The following MRPS31 variants were observed in gnomAD, a reference collection of about 807,000 sequenced individuals.
MRPS31 encodes the protein small ribosomal subunit protein mS31.
In MRPS31, 32 loss-of-function variants were observed where a neutral mutation model predicts 43.1. The ratio of observed to expected loss-of-function variants is 0.74; its 90% confidence interval spans 0.56 to 1.00. The LOEUF is 1.00. MRPS31 is among the 50% of genes least tolerant of loss of function. The probability of loss-of-function intolerance (pLI) is 0.00; values close to 1 mark genes in which losing one functional copy is unlikely to be tolerated. For missense variants in MRPS31, 437 were observed against 466.7 expected (o/e 0.94, Z 0.59); for synonymous variants, 165 against 161.6 (o/e 1.02, Z -0.16).
chr13:40,746,462 T>C (rs1880242633), intron 6 of MRPS31, among the ~76,000 whole-genome samples: 2 of 152,294 alleles, frequency 1.3e-5, no homozygotes. Flanking sequence ...TTTCCAACTC[T>C]GAAATATCAA....
intron 6 of MRPS31, among the ~76,000 whole-genome samples, chr13:40,742,625 G>A (rs142913864): frequency 1.3e-5 from 2 of 151,926 alleles, no homozygotes; most frequent in African/African-American, 4.8e-5. Context: ...CCTTCTTTAG[G>A]GTTTTATGGT....
intron 6 of MRPS31, among the ~76,000 whole-genome samples, chr13:40,733,621 C>G (rs1879776230): frequency 6.6e-6 from 1 of 152,014 alleles, no homozygotes; most frequent in African/African-American, 2.4e-5. Context: ...AGATCACATA[C>G]AATGAATCTA....
At chr13:40,762,070 C>T (rs1206374153) in intron 2 of MRPS31, among the ~76,000 whole-genome samples, 1 of 151,252 alleles carries the variant, frequency 6.6e-6, no homozygotes, top group East Asian at 1.9e-4. Flanking sequence ...AGTGAAACAT[C>T]GTCTCTACAA....
intron 6 of MRPS31, among the ~76,000 whole-genome samples, chr13:40,732,496 G>A (rs941276867): frequency 5.9e-5 from 9 of 152,324 alleles, no homozygotes; most frequent in Middle Eastern, 3.4e-3. Flanking sequence ...CACTTTGGGA[G>A]GCCGAGGCAG....
rs1880667379 is a variant in MRPS31, at chr13:40,760,569, A to T, written c.441-1463T>A. On this transcript the variant is annotated intron_variant, in intron 2 of 6. Transcript: ENST00000323563. Reference sequence around the variant, plus strand: ...AGCTTTTAAAAGCTTCCTAAATTAGAGCAAGTTAATAGAAAAACATTCTAT... The same window carrying T: ...AGCTTTTAAAAGCTTCCTAAATTAGTGCAAGTTAATAGAAAAACATTCTAT... Among the ~76,000 whole-genome samples the T allele has an allele frequency of 2.0e-5, 3 of 152,104 alleles. No homozygotes were observed. The South Asian group carries it at 6.2e-4, about 32-fold the overall frequency.
intron 6 of MRPS31, among the ~76,000 whole-genome samples, chr13:40,733,991 C>A (rs1374659536): frequency 6.9e-6 from 1 of 145,378 alleles, no homozygotes; most frequent in Non-Finnish European, 1.5e-5. Context: ...AGGCCAGGTG[C>A]AGCGGCTCAT....
At chr13:40,761,470 T>C (rs1297871164) in intron 2 of MRPS31, among the ~76,000 whole-genome samples, 2 of 152,220 alleles carry the variant, frequency 1.3e-5, no homozygotes, top group Non-Finnish European at 2.9e-5. Context: ...TCTAGAATCA[T>C]ACATTTCATA....
At chr13:40,745,056 G>C (rs373020272) in intron 6 of MRPS31, among the ~76,000 whole-genome samples, 20 of 151,960 alleles carry the variant, frequency 1.3e-4, no homozygotes, top group African/African-American at 3.6e-4. Flanking sequence ...TGAGTAGCTG[G>C]AATTACAGGC....
In MRPS31 at chr13:40,762,782, TTG is replaced by T. The variant is rs60906711; in HGVS notation, c.441-3678_441-3677del. Among the ~76,000 whole-genome samples the T allele has an allele frequency of 8.1e-3, 1,058 of 129,922 alleles. 6 individuals are homozygous for T. Among genetic ancestry groups the T allele is most frequent in the East Asian group, 0.016 (72 of 4,440 alleles). The allele number at this position is 129,922 out of a possible 152,430, so 85.2% of individuals were successfully genotyped here. ...TTCACCACCTGACATAGTATAGACA[TTG>T]TGTGTGTGTGTGTGTGTGTGTGTGT... On this transcript the variant is annotated intron_variant, in intron 2 of 6. Coordinates refer to ENST00000323563, the MANE Select transcript of MRPS31 (RefSeq NM_005830.4).
At chr13:40,769,553 G>A (rs1391114089) in intron 1 of MRPS31, among the ~76,000 whole-genome samples, 1 of 151,150 alleles carries the variant, frequency 6.6e-6, no homozygotes, top group African/African-American at 2.4e-5. Context: ...ATCAAATCAG[G>A]CACTTAAAAA....
intron 6 of MRPS31, among the ~76,000 whole-genome samples, chr13:40,734,241 CA>C (rs1879805375): frequency 6.6e-6 from 1 of 152,100 alleles, no homozygotes; most frequent in Admixed American, 6.5e-5. Flanking sequence ...TCAAGGGTCT[CA>C]AAGCATGTGC....
chr13:40,749,624 T>A (rs531698829), intron 5 of MRPS31: 1 of 159,452 alleles, frequency 6.3e-6, no homozygotes, highest in African/African-American at 2.4e-5. Context: ...AGCCTGTTTA[T>A]CTTTATTTTT....
At chr13:40,740,122 G>A (rs1465946458) in intron 6 of MRPS31, among the ~76,000 whole-genome samples, 23 of 149,344 alleles carry the variant, frequency 1.5e-4, no homozygotes, top group Admixed American at 2.7e-4. Flanking sequence ...AAAAGTGGGC[G>A]AAGGACATGA....
rs563448048 is a variant in MRPS31, at chr13:40,759,002, T to C, written c.545A>G (p.Gln182Arg). The stretch of plus-strand genomic sequence containing the variant: ...TGCCCTTGACTCTTCCTCATGCTGC[T>C]GGAGCTGGCTCAGCAGCTCTGACTT... ...TTKSELLSQLQQHEEESRAQR... is the reference protein window; with the variant it reads ...TTKSELLSQLRQHEEESRAQR... Residue 182 changes from glutamine (Q) to arginine (R), a missense_variant, in exon 3 of 7, where the codon CAG becomes CGG. Gln to Arg is a conservative substitution (Grantham distance 43). Coordinates refer to ENST00000323563, the MANE Select transcript of MRPS31 (RefSeq NM_005830.4). 484 of 1,609,480 alleles carry C rather than the reference T, an allele frequency of 3.0e-4. 11 individuals carry two copies. In the South Asian group the frequency reaches 5.1e-3, roughly 17 times the overall value.
chr13:40,764,520 G>C (rs1030057393), intron 2 of MRPS31, among the ~76,000 whole-genome samples: 1 of 151,984 alleles, frequency 6.6e-6, no homozygotes, highest in African/African-American at 2.4e-5. Flanking sequence ...AAATATCCCA[G>C]GAAAATCAAT....
intron 6 of MRPS31, among the ~76,000 whole-genome samples, chr13:40,740,399 C>A: frequency 8.2e-6 from 1 of 121,810 alleles, no homozygotes. Flanking sequence ...GGATCTAGAA[C>A]TAGAAATACC....
intron 6 of MRPS31, among the ~76,000 whole-genome samples, chr13:40,732,106 T>C (rs989579993): frequency 6.6e-6 from 1 of 152,238 alleles, no homozygotes. Context: ...TTCTAAATTA[T>C]CTTACAGCCA....
At chr13:40,763,154 T>C (rs1880749925) in intron 2 of MRPS31, among the ~76,000 whole-genome samples, 1 of 152,206 alleles carries the variant, frequency 6.6e-6, no homozygotes, top group Non-Finnish European at 1.5e-5. Context: ...GGGATATTCT[T>C]AGGTTCCACT....
chr13:40,765,007 G>C (rs956192329), intron 2 of MRPS31, among the ~76,000 whole-genome samples: 2 of 152,210 alleles, frequency 1.3e-5, no homozygotes, highest in African/African-American at 4.8e-5. Context: ...AATGATGACA[G>C]TGTCTCATGA....
Sources: allele counts gnomAD v4.1 joint callset (sites outside exome capture counted in the v4.1 genomes callset), GRCh38; gene constraint gnomAD v4.1.1; transcripts MANE v1.5; gene names NCBI Gene and HGNC (gene_info 2026-07-23, HGNC 2026-07-21).